Variants in ARG2 observed in about 807,000 individuals in gnomAD.
ARG2 encodes the protein arginase 2.
Under a neutral mutation model 39.4 loss-of-function variants are expected in ARG2, and 21 were observed. That is an observed-to-expected ratio of 0.53 (90% CI 0.38 to 0.77). ARG2 has a LOEUF of 0.77. ARG2 is among the 30% of genes least tolerant of loss of function. The pLI is 0.00. For synonymous variants in ARG2, 150 were observed against 156.7 expected, an observed-to-expected ratio of 0.96 and a Z score of 0.32; for missense variants, 378 against 426.2, an observed-to-expected ratio of 0.89 and a Z score of 1.00.
At chr14:67,622,077 G>A (rs1318383598) in intron 2 of ARG2, among the ~76,000 whole-genome samples, 6 of 152,118 alleles carry the variant, frequency 3.9e-5, no homozygotes, top group Admixed American at 3.9e-4. Context: ...GTGACAGAAT[G>A]AGACTCCATC....
chr14:67,648,330 G>A lies in ARG2; in HGVS notation c.859+147G>A. The A allele has an allele frequency of 4.6e-6, 4 of 864,712 alleles. No individual in the cohort carries two copies. In the South Asian group the frequency reaches 8.4e-5, roughly 18 times the overall value. 53.6% of individuals were successfully genotyped at this position (864,712 alleles called of 1,614,324 possible). On this transcript the variant is annotated intron_variant, in intron 7 of 7. Coordinates refer to ENST00000261783, the MANE Select transcript of ARG2 (RefSeq NM_001172.4). ...TTGTAGCTAAAAATTATATGGCCAT[G>A]CTAATAAAAAGGATATAGTCCTTTA... is the stretch of plus-strand genomic sequence containing the variant.
intron 1 of ARG2, among the ~76,000 whole-genome samples, chr14:67,620,532 T>C (rs562064957): frequency 7.9e-5 from 12 of 152,170 alleles, no homozygotes; most frequent in Admixed American, 7.8e-4. Context: ...GAGCATTAAC[T>C]GGGAGGGAAA....
intron 2 of ARG2, among the ~76,000 whole-genome samples, chr14:67,626,703 A>C (rs1261829006): frequency 6.6e-6 from 1 of 152,060 alleles, no homozygotes; most frequent in Non-Finnish European, 1.5e-5. Flanking sequence ...CAAGTGATCC[A>C]CCTGCCTCAG....
intron 3 of ARG2, among the ~76,000 whole-genome samples, chr14:67,643,997 A>T (rs1467433796): frequency 1.3e-5 from 2 of 151,914 alleles, no homozygotes; most frequent in African/African-American, 2.4e-5. Flanking sequence ...TAGTCTCTGG[A>T]AATTTATTAA....
intron 2 of ARG2, 98 bp from the exon 3 acceptor site, chr14:67,642,088 G>A: frequency 1.7e-6 from 2 of 1,150,844 alleles, no homozygotes; most frequent in South Asian, 2.9e-5. Context: ...AAATGATTAT[G>A]ATGTGTACTT....
intron 2 of ARG2, among the ~76,000 whole-genome samples, chr14:67,634,809 A>G (rs2036954344): frequency 6.6e-6 from 1 of 152,250 alleles, no homozygotes; most frequent in Non-Finnish European, 1.5e-5. Flanking sequence ...TGGTTGGCTT[A>G]AATAATTTAA....
Position 67,651,210 on chromosome 14 carries a change from G to T in ARG2, c.*290G>T. 1.6e-6 allele frequency: 2 copies of T among 1,284,246 alleles called. No homozygotes were observed. Among genetic ancestry groups the T allele is most frequent in the Non-Finnish European group, 1.0e-6 (1 of 954,252 alleles). The allele number at this position is 1,284,246 out of a possible 1,614,324, so 79.6% of individuals were successfully genotyped here. ...ATATCATACTGGTCTTGTTGCTGTT[G>T]TTCCTTCACATTTAAGTGGTTTTTC... is the stretch of plus-strand genomic sequence containing the variant. On this transcript the variant is annotated 3_prime_UTR_variant, in exon 8 of 8. Coordinates refer to ENST00000261783, the MANE Select transcript of ARG2 (RefSeq NM_001172.4).
chr14:67,631,434 CTTTT>C (rs1319430069), intron 2 of ARG2, among the ~76,000 whole-genome samples: 1 of 113,158 alleles, frequency 8.8e-6, no homozygotes. Flanking sequence ...TTCTTTCTTT[CTTTT>C]TTTTTTTTTT....
chr14:67,645,854 G>T (rs781590447), intron 4 of ARG2, 52 bp downstream of exon 4: 1 of 1,595,998 alleles, frequency 6.3e-7, no homozygotes, highest in Admixed American at 1.7e-5. Context: ...GGTTTTGCTG[G>T]AGTTGGTCTA....
chr14:67,631,546 C>T (rs2036919587), intron 2 of ARG2, among the ~76,000 whole-genome samples: 1 of 151,270 alleles, frequency 6.6e-6, no homozygotes, highest in Non-Finnish European at 1.5e-5. Context: ...AACGATCCTC[C>T]TACTTTAGCC....
At chr14:67,627,279 A>ATG (rs1255664900) in intron 2 of ARG2, among the ~76,000 whole-genome samples, 4 of 146,520 alleles carry the variant, frequency 2.7e-5, no homozygotes, top group South Asian at 2.1e-4. Flanking sequence ...ATATATATAT[A>ATG]TATCTGAAAC....
At chr14:67,623,534 C>CTTTTTTTTTTTTTT (rs60604937) in intron 2 of ARG2, among the ~76,000 whole-genome samples, 1 of 82,924 alleles carries the variant, frequency 1.2e-5, no homozygotes, top group African/African-American at 4.9e-5. Flanking sequence ...CTCAGGTAAC[C>CTTTTTTTTTTTTTT]TTTTTTTTTT....
In ARG2 at chr14:67,650,821, CT is replaced by C; in HGVS notation, c.969del (p.Phe323LeufsTer30). 6.2e-7 allele frequency: 1 copy of C among 1,614,160 alleles called. No homozygotes were observed. Among genetic ancestry groups the C allele is most frequent in the South Asian group, 1.1e-5 (1 of 91,084 alleles). On this transcript the variant is annotated frameshift_variant, in exon 8 of 8. Transcript: ENST00000261783. LOFTEE classifies it high-confidence loss of function. ...TGGCAGTAGATGTGATTGCTTCAAG[CT>C]TTGGTCAGACAAGAGAAGGAGGGCA... ...NLAVDVIASS[F>X]GQTREGGHIV...
At chr14:67,634,608 A>T (rs949401576) in intron 2 of ARG2, among the ~76,000 whole-genome samples, 1 of 151,694 alleles carries the variant, frequency 6.6e-6, no homozygotes, top group Non-Finnish European at 1.5e-5. Flanking sequence ...AAAAAAAAAA[A>T]AAGCTAGTAG....
chr14:67,647,806 A>T (rs2037120097), intron 6 of ARG2: 1 of 493,684 alleles, frequency 2.0e-6, no homozygotes, highest in African/African-American at 1.9e-5. Flanking sequence ...CATTGGAGTT[A>T]GTCTGTCTGA....
intron 2 of ARG2, among the ~76,000 whole-genome samples, chr14:67,633,801 G>T (rs1244138506): frequency 6.6e-6 from 1 of 152,220 alleles, no homozygotes; most frequent in Non-Finnish European, 1.5e-5. Context: ...GTTCTATAGG[G>T]CTGAAGGCAT....
chr14:67,651,339 T>C lies in ARG2; in HGVS notation c.*419T>C, dbSNP rs953171860. The C allele has an allele frequency of 6.2e-7, 1 of 1,612,004 alleles. No homozygotes were observed. The highest frequency in any genetic ancestry group is 8.5e-7 in the Non-Finnish European group (1 of 1,178,692). On this transcript the variant is annotated 3_prime_UTR_variant, in exon 8 of 8. Transcript: ENST00000261783. ...CTATCCACATCCCTAACATCATGCA[T>C]TCACAAGGTCAAAGTTCTGGTCCAC...
chr14:67,642,307 G>A lies in ARG2; in HGVS notation c.306G>A (p.Val102=), dbSNP rs1281361208. The change falls in exon 3 of 8, where the codon GTG becomes GTA. Residue 102 remains valine, a synonymous_variant. Coordinates refer to ENST00000261783, the MANE Select transcript of ARG2 (RefSeq NM_001172.4). ...VGLANQELAE[V]VSRAVSDGYS... Reference sequence around the variant, plus strand: ...TTGCCAACCAGGAACTGGCTGAGGTGGTTAGCAGAGCTGTGTCAGATGGCT... The same window carrying A: ...TTGCCAACCAGGAACTGGCTGAGGTAGTTAGCAGAGCTGTGTCAGATGGCT... The A allele has an allele frequency of 1.2e-6, 2 of 1,614,130 alleles. No homozygotes were observed. The highest frequency in any genetic ancestry group is 1.7e-5 in the Admixed American group (1 of 59,996).
rs534298101 is a variant in ARG2 at position 67,632,070 on chromosome 14, G to C, written c.185-10116G>C. ...TGTTTATTTTTTTCTTTTTGTTTTA[G>C]AGATGAGGTCTCACTATGCTGCCCC... On this transcript the variant is annotated intron_variant, in intron 2 of 7. Transcript: ENST00000261783. Among the ~76,000 whole-genome samples, 8 of 151,934 alleles carry C rather than the reference G, an allele frequency of 5.3e-5. No individual in the cohort carries two copies. The East Asian group carries it at 1.6e-3, about 30-fold the overall frequency.
Sources: gnomAD v4.1 joint callset for allele counts (sites outside exome capture counted in the v4.1 genomes callset) on GRCh38, gnomAD v4.1.1 for gene constraint, MANE v1.5 for transcripts, NCBI Gene and HGNC (gene_info 2026-07-23, HGNC 2026-07-21) for gene names.